The following RIMS1 variants were observed in gnomAD, a reference collection of about 807,000 sequenced individuals.
The protein encoded by RIMS1 is regulating synaptic membrane exocytosis protein 1.
RIMS1 carries 83 observed loss-of-function variants against 214.1 expected under a neutral mutation model. The observed-to-expected ratio is 0.39, with a 90% CI of 0.32 to 0.47. The LOEUF (loss-of-function observed/expected upper bound fraction) is 0.47. RIMS1 is among the 20% of genes least tolerant of loss of function. RIMS1 has a pLI of 0.99. For missense variants in RIMS1, 2,050 were observed against 2,161.8 expected (o/e 0.95, Z 1.03); for synonymous variants, 793 against 786.8 (o/e 1.01, Z -0.13).
intron 4 of RIMS1, among the ~76,000 whole-genome samples, chr6:72,157,592 T>C (rs2044613526): frequency 7.1e-6 from 1 of 140,404 alleles, no homozygotes; most frequent in Non-Finnish European, 1.6e-5. Flanking sequence ...ATCGTTATTA[T>C]AACCATACTG....
chr6:71,918,628 A>T (rs1335829880), intron 1 of RIMS1, among the ~76,000 whole-genome samples: 1 of 152,204 alleles, frequency 6.6e-6, no homozygotes, highest in African/African-American at 2.4e-5. Context: ...ATCACAGTGC[A>T]TGTGCTGTTG....
intron 1 of RIMS1, among the ~76,000 whole-genome samples, chr6:71,968,119 T>TA (rs1794927964): frequency 6.6e-6 from 1 of 152,230 alleles, no homozygotes. Flanking sequence ...CTAAGTTTTA[T>TA]AACCAAGCCT....
intron 26 of RIMS1, among the ~76,000 whole-genome samples, chr6:72,304,113 A>G (rs1044023280): frequency 6.6e-6 from 1 of 151,680 alleles, no homozygotes; most frequent in Non-Finnish European, 1.5e-5. Flanking sequence ...TTTTAAAAAT[A>G]AAAACCACAG....
At chr6:72,352,016 T>C (rs966048340) in intron 29 of RIMS1, among the ~76,000 whole-genome samples, 4 of 152,166 alleles carry the variant, frequency 2.6e-5, no homozygotes, top group African/African-American at 9.7e-5. Context: ...AGAGCTGGAA[T>C]TGGAATCCAG....
In RIMS1 at chr6:72,307,321, C is replaced by T; in HGVS notation, c.3914C>T (p.Thr1305Ile). Residue 1305 changes from threonine to isoleucine, a missense_variant, in exon 27 of 34, where the codon ACA (threonine) becomes ATA (isoleucine). Around this residue, in one of 6 missense-constraint regions of RIMS1, gnomAD observed 889 missense variants for 885.5 expected, o/e 1.00. Transcript: ENST00000521978. ...MKMKVHRFKQ[T>I]TGSGSSQELD... ...ATGAAAGTGCATCGATTTAAGCAGA[C>T]AACAGGGTCTGGTTCTAGTCAAGAA... The T allele has an allele frequency of 1.2e-6, 2 of 1,606,320 alleles. No individual in the cohort carries two copies. Among genetic ancestry groups the T allele is most frequent in the East Asian group, 4.5e-5 (2 of 44,722 alleles).
intron 29 of RIMS1, among the ~76,000 whole-genome samples, chr6:72,344,402 G>A (rs142229182): frequency 1.3e-5 from 2 of 151,812 alleles, no homozygotes; most frequent in African/African-American, 4.8e-5. Flanking sequence ...ATGTTTTCTT[G>A]GCTCTGTTGA....
At chr6:72,094,444 A>G (rs545398590) in intron 2 of RIMS1, among the ~76,000 whole-genome samples, 208 of 152,304 alleles carry the variant, frequency 1.4e-3, no homozygotes, top group African/African-American at 4.7e-3. Flanking sequence ...ATTGCACCAT[A>G]TAAAATTCCC....
intron 4 of RIMS1, among the ~76,000 whole-genome samples, chr6:72,137,138 G>T (rs1236172452): frequency 6.6e-6 from 1 of 151,946 alleles, no homozygotes; most frequent in Non-Finnish European, 1.5e-5. Flanking sequence ...ATATAAATTT[G>T]AAAAATCCCA....
chr6:71,957,676 T>A (rs1369810081), intron 1 of RIMS1, among the ~76,000 whole-genome samples: 1 of 150,584 alleles, frequency 6.6e-6, no homozygotes, highest in Non-Finnish European at 1.5e-5. Context: ...TATGTGATAA[T>A]ATAATTAAAA....
intron 1 of RIMS1, among the ~76,000 whole-genome samples, chr6:71,955,967 T>G (rs1193365285): frequency 6.6e-6 from 1 of 152,276 alleles, no homozygotes; most frequent in East Asian, 1.9e-4. Context: ...GCTAATTTAC[T>G]ACTTAATGTT....
At chr6:72,124,910 C>T (rs150335332) in intron 4 of RIMS1, among the ~76,000 whole-genome samples, 5 of 152,236 alleles carry the variant, frequency 3.3e-5, no homozygotes, top group African/African-American at 7.2e-5. Context: ...AGCTTCCTTG[C>T]GATGGGTTCA....
At chr6:72,312,431 ATAAT>A (rs1337320320) in intron 27 of RIMS1, among the ~76,000 whole-genome samples, 3 of 151,930 alleles carry the variant, frequency 2.0e-5, no homozygotes, top group South Asian at 4.1e-4. Flanking sequence ...ATATATAAAA[ATAAT>A]ATGTAATATA....
intron 2 of RIMS1, among the ~76,000 whole-genome samples, chr6:72,000,807 CT>C: frequency 6.6e-6 from 1 of 152,170 alleles, no homozygotes; most frequent in East Asian, 1.9e-4. Context: ...ATGAAATTCT[CT>C]CTTCTCATTA....
chr6:72,354,267 G>A (rs1054185987), intron 29 of RIMS1, among the ~76,000 whole-genome samples: 3 of 152,060 alleles, frequency 2.0e-5, no homozygotes, highest in African/African-American at 7.2e-5. Flanking sequence ...CAGGCTTTGC[G>A]CCTACATATT....
intron 1 of RIMS1, among the ~76,000 whole-genome samples, chr6:71,951,661 AT>A (rs3076630): frequency 0.54 from 76,648 of 141,940 alleles, 20,618 homozygotes; most frequent in Admixed American, 0.59. Flanking sequence ...CGCTTAGCTA[AT>A]TTTTTTTTTT....
rs75138692 is a variant in RIMS1, at chr6:72,299,691, C to T, written c.3851-7567C>T. Among the ~76,000 whole-genome samples the T allele has an allele frequency of 5.2e-3, 784 of 151,674 alleles. 5 individuals carry two copies. Among genetic ancestry groups the T allele is most frequent in the African/African-American group, 0.017 (719 of 41,458 alleles). On this transcript the variant is annotated intron_variant, in intron 26 of 33. Coordinates refer to ENST00000521978, the MANE Select transcript of RIMS1 (RefSeq NM_014989.7). ...CTTTAGTGGAATTCAAGTAAAGAAG[C>T]GAAAAACATTAATTTTAGCATTTTT...
intron 1 of RIMS1, among the ~76,000 whole-genome samples, chr6:71,894,380 A>G (rs1376017616): frequency 6.6e-6 from 1 of 152,128 alleles, no homozygotes; most frequent in Non-Finnish European, 1.5e-5. Flanking sequence ...CAGGAGGCAG[A>G]GGCTGCAATG....
chr6:72,311,461 A>G (rs1402955385), intron 27 of RIMS1, among the ~76,000 whole-genome samples: 3 of 152,224 alleles, frequency 2.0e-5, no homozygotes, highest in African/African-American at 7.2e-5. Context: ...CATTGCTTTC[A>G]GTACATTGTC....
At chr6:71,986,136 G>T (rs75333662) in intron 2 of RIMS1, among the ~76,000 whole-genome samples, 1 of 149,630 alleles carries the variant, frequency 6.7e-6, no homozygotes, top group Non-Finnish European at 1.5e-5. Flanking sequence ...TTTGTTGTAC[G>T]TCAGAAATTC....
Sources: gnomAD v4.1 joint callset for allele counts (sites outside exome capture counted in the v4.1 genomes callset) on GRCh38, gnomAD v4.1.1 for gene constraint, gnomAD v4.1.1 regional missense constraint, MANE v1.5 for transcripts, NCBI Gene and HGNC (gene_info 2026-07-23, HGNC 2026-07-21) for gene names.